Variants in CADM2 observed in about 807,000 individuals in gnomAD.
CADM2 encodes the protein immunoglobulin superfamily member 4D.
A neutral mutation model predicts 49.8 loss-of-function variants in CADM2; 12 were observed. That is an observed-to-expected ratio of 0.24 (90% CI 0.15 to 0.39). The LOEUF (loss-of-function observed/expected upper bound fraction) is 0.39. Ranked by LOEUF, CADM2 falls within the 10% of genes least tolerant of loss-of-function variation. CADM2 has a pLI of 1.00. For synonymous variants in CADM2, 214 were observed against 175.4 expected, an observed-to-expected ratio of 1.22 and a Z score of -1.74; for missense variants, 378 against 492.3, an observed-to-expected ratio of 0.77 and a Z score of 2.20.
intron 1 of CADM2, among the ~76,000 whole-genome samples, chr3:85,695,734 C>A (rs1473008228): frequency 1.3e-5 from 2 of 152,000 alleles, no homozygotes; most frequent in African/African-American, 4.8e-5. Flanking sequence ...TTGCAAGTGT[C>A]TTTTTGATGT....
At chr3:86,045,109 A>G (rs972481203) in intron 8 of CADM2, among the ~76,000 whole-genome samples, 1 of 151,986 alleles carries the variant, frequency 6.6e-6, no homozygotes, top group South Asian at 2.1e-4. Flanking sequence ...CTAATGTTAA[A>G]TGACCAGTTA....
At chr3:85,600,691 CATG>C (rs1224027683) in intron 1 of CADM2, among the ~76,000 whole-genome samples, 1 of 151,282 alleles carries the variant, frequency 6.6e-6, no homozygotes, top group Non-Finnish European at 1.5e-5. Flanking sequence ...GAATACAACA[CATG>C]ATAAGATACA....
intron 1 of CADM2, among the ~76,000 whole-genome samples, chr3:85,246,214 C>T (rs1358603501): frequency 6.6e-6 from 1 of 151,940 alleles, no homozygotes; most frequent in Non-Finnish European, 1.5e-5. Context: ...CCAAACACCG[C>T]ATGTTCTCAC....
intron 1 of CADM2, among the ~76,000 whole-genome samples, chr3:85,371,089 A>C (rs1354972665): frequency 1.3e-5 from 2 of 152,194 alleles, no homozygotes; most frequent in African/African-American, 4.8e-5. Flanking sequence ...TAAAAGCATA[A>C]AAAGTTTATA....
At chr3:85,151,700 T>G (rs1437778644) in intron 1 of CADM2, among the ~76,000 whole-genome samples, 7 of 152,304 alleles carry the variant, frequency 4.6e-5, no homozygotes, top group Non-Finnish European at 8.8e-5. Context: ...GGGTGGTTTG[T>G]AAATAACAAT....
intron 7 of CADM2, among the ~76,000 whole-genome samples, chr3:85,959,824 A>C (rs894058201): frequency 6.6e-6 from 1 of 152,110 alleles, no homozygotes; most frequent in Non-Finnish European, 1.5e-5. Flanking sequence ...CTAGGTGTGT[A>C]GTAGGCTGTG....
intron 1 of CADM2, among the ~76,000 whole-genome samples, chr3:84,988,523 C>G (rs888345080): frequency 6.6e-6 from 1 of 152,198 alleles, no homozygotes; most frequent in Non-Finnish European, 1.5e-5. Context: ...CTCTCAATAA[C>G]TTTAGCTCTC....
Position 85,734,406 on chromosome 3 carries a change from G to C in CADM2, c.88+7858G>C, listed in dbSNP as rs76698307. On this transcript the variant is annotated intron_variant, in intron 2 of 9. Transcript: ENST00000383699. Reference sequence around the variant, plus strand: ...ATGGCACTCTCAATGCAGGGAGACTGTATATGAATCCTGCCTTACCCCCAG... The same window carrying C: ...ATGGCACTCTCAATGCAGGGAGACTCTATATGAATCCTGCCTTACCCCCAG... Among the ~76,000 whole-genome samples, 655 of 151,916 alleles carry C rather than the reference G, an allele frequency of 4.3e-3. 3 individuals are homozygous for C. The highest frequency in any genetic ancestry group is 0.015 in the African/African-American group (627 of 41,482).
chr3:85,356,109 T>C (rs930265186), intron 1 of CADM2, among the ~76,000 whole-genome samples: 3 of 152,096 alleles, frequency 2.0e-5, no homozygotes, highest in Non-Finnish European at 4.4e-5. Context: ...ACAGATACTA[T>C]GCCAACCCTC....
chr3:85,857,388 A>C (rs1010237248), intron 3 of CADM2, among the ~76,000 whole-genome samples: 2 of 152,186 alleles, frequency 1.3e-5, no homozygotes, highest in Non-Finnish European at 2.9e-5. Flanking sequence ...GGAAATACCT[A>C]GGGAATCTTG....
At chr3:85,089,166 T>G (rs2037498914) in intron 1 of CADM2, among the ~76,000 whole-genome samples, 1 of 152,132 alleles carries the variant, frequency 6.6e-6, no homozygotes, top group Admixed American at 6.6e-5. Context: ...ATTAATCTTG[T>G]GGTGGTTTTC....
intron 1 of CADM2, among the ~76,000 whole-genome samples, chr3:85,711,469 G>C (rs1257054943): frequency 6.6e-6 from 1 of 152,154 alleles, no homozygotes; most frequent in Admixed American, 6.5e-5. Context: ...CTTTAACTGT[G>C]AGATTTACTA....
intron 1 of CADM2, among the ~76,000 whole-genome samples, chr3:85,366,351 T>G (rs962336443): frequency 4.6e-5 from 7 of 152,296 alleles, no homozygotes; most frequent in Admixed American, 2.0e-4. Flanking sequence ...GAGATTTTGG[T>G]GTTTTATTTC....
chr3:85,771,147 C>A (rs1391009544), intron 2 of CADM2, among the ~76,000 whole-genome samples: 4 of 152,088 alleles, frequency 2.6e-5, no homozygotes, highest in Non-Finnish European at 5.9e-5. Context: ...AGCACTTTAT[C>A]AATCTAAATT....
chr3:85,164,451 C>T (rs916180671), intron 1 of CADM2, among the ~76,000 whole-genome samples: 1 of 152,170 alleles, frequency 6.6e-6, no homozygotes, highest in Admixed American at 6.5e-5. Context: ...AACCCTATCC[C>T]TTGCCCTCAA....
chr3:85,470,777 A>G (rs1267757814), intron 1 of CADM2, among the ~76,000 whole-genome samples: 1 of 152,196 alleles, frequency 6.6e-6, no homozygotes, highest in African/African-American at 2.4e-5. Context: ...AGAAACTCAG[A>G]CATAAAGAAC....
intron 8 of CADM2, chr3:86,013,660 A>C: frequency 4.4e-6 from 7 of 1,603,016 alleles, no homozygotes; most frequent in Non-Finnish European, 5.1e-6. Context: ...GCAGGGGAAG[A>C]GCACCTAACT....
intron 1 of CADM2, among the ~76,000 whole-genome samples, chr3:85,121,049 A>G (rs553770449): frequency 1.3e-5 from 2 of 152,310 alleles, no homozygotes; most frequent in South Asian, 4.1e-4. Flanking sequence ...ACTTGAGACA[A>G]GGAGGCACCT....
chr3:85,693,789 G>A (rs1216190734), intron 1 of CADM2, among the ~76,000 whole-genome samples: 4 of 145,860 alleles, frequency 2.7e-5, no homozygotes, highest in Admixed American at 1.4e-4. Flanking sequence ...CTAGCTACTC[G>A]GGAGGCTGAG....
Sources: allele counts gnomAD v4.1 joint callset (sites outside exome capture counted in the v4.1 genomes callset), GRCh38; gene constraint gnomAD v4.1.1; transcripts MANE v1.5; gene names NCBI Gene and HGNC (gene_info 2026-07-23, HGNC 2026-07-21).